The following DCP2 variants were observed in gnomAD, a reference collection of about 807,000 sequenced individuals.
DCP2 encodes decapping mRNA 2.
A neutral mutation model predicts 56.1 loss-of-function variants in DCP2; 30 were observed. The observed-to-expected ratio is 0.53, with a 90% CI of 0.40 to 0.73. DCP2 has a LOEUF of 0.73. Among genes scored for constraint, DCP2 ranks in the 30% least tolerant of loss-of-function variants. The probability of loss-of-function intolerance (pLI) is 0.00; values close to 1 mark genes in which losing one functional copy is unlikely to be tolerated. For missense variants in DCP2, 533 were observed against 502.7 expected, an observed-to-expected ratio of 1.06 and a Z score of -0.58; for synonymous variants, 197 against 163.3, an observed-to-expected ratio of 1.21 and a Z score of -1.57.
chr5:113,003,214 T>A (rs1366015526), intron 7 of DCP2, among the ~76,000 whole-genome samples: 1 of 152,246 alleles, frequency 6.6e-6, no homozygotes, highest in Admixed American at 6.5e-5. Context: ...CCCAAAGTGC[T>A]GGGAGTATAG....
chr5:113,000,591 C>G (rs1004001094), intron 4 of DCP2, among the ~76,000 whole-genome samples: 7 of 152,056 alleles, frequency 4.6e-5, no homozygotes, highest in African/African-American at 7.2e-5. Flanking sequence ...TTATTAAGCT[C>G]TATCTCAAGC....
intron 4 of DCP2, among the ~76,000 whole-genome samples, chr5:112,996,292 CAT>C (rs767067910): frequency 8.5e-5 from 13 of 152,280 alleles, no homozygotes; most frequent in South Asian, 4.1e-4. Context: ...TTCCATTCTT[CAT>C]AGTTTATTAA....
At chr5:113,008,659 A>G (rs886529509) in intron 9 of DCP2, among the ~76,000 whole-genome samples, 33 of 152,270 alleles carry the variant, frequency 2.2e-4, no homozygotes, top group African/African-American at 7.7e-4. Context: ...TTTAGCAAAA[A>G]TATTTTACCT....
intron 9 of DCP2, among the ~76,000 whole-genome samples, chr5:113,010,133 A>G (rs1003075155): frequency 9.2e-5 from 14 of 151,556 alleles, no homozygotes; most frequent in African/African-American, 3.4e-4. Flanking sequence ...CCTTGGTTCA[A>G]GCAGTCCTCC....
At chr5:113,005,499 A>G (rs1749383495) in intron 8 of DCP2, among the ~76,000 whole-genome samples, 1 of 152,218 alleles carries the variant, frequency 6.6e-6, no homozygotes, top group Admixed American at 6.5e-5. Flanking sequence ...ACAAAAAAAC[A>G]GAAAACAAGT....
chr5:113,004,708 C>G (rs1001561509), intron 8 of DCP2, among the ~76,000 whole-genome samples: 9 of 152,034 alleles, frequency 5.9e-5, no homozygotes, highest in Non-Finnish European at 1.2e-4. Context: ...CTAATTTACT[C>G]AAGTTATTTA....
In DCP2 at chr5:113,013,603, G is replaced by A; in HGVS notation, c.*119G>A. The stretch of plus-strand genomic sequence containing the variant: ...AGAAATGCAGGGAGGCAATGTTTCT[G>A]AAGACATTTTCTGTTTATAAGAGAG... On this transcript the variant is annotated 3_prime_UTR_variant, in exon 11 of 11. Coordinates refer to ENST00000389063, the MANE Select transcript of DCP2 (RefSeq NM_152624.6). 8.3e-7 allele frequency: 1 copy of A among 1,205,274 alleles called. No individual in the cohort carries two copies. The highest frequency in any genetic ancestry group is 1.2e-6 in the Non-Finnish European group (1 of 860,376). The allele number at this position is 1,205,274 out of a possible 1,614,324, so 74.7% of individuals were successfully genotyped here.
rs929257631 is a variant in DCP2 at position 113,015,451 on chromosome 5, G to C, written c.*1967G>C. 6.6e-6 allele frequency: 1 copy of C among 152,522 alleles called. No individual in the cohort carries two copies. Among genetic ancestry groups the C allele is most frequent in the South Asian group, 2.1e-4 (1 of 4,828 alleles). The allele number at this position is 152,522 out of a possible 1,614,324, so 9.4% of individuals were successfully genotyped here. ...TTCAGCTCTCAATACTGAAGCAAAA[G>C]AGATTATAGTTACCAGAAGTATGGC... is the stretch of plus-strand genomic sequence containing the variant. On this transcript the variant is annotated 3_prime_UTR_variant, in exon 11 of 11. Transcript: ENST00000389063.
At chr5:112,996,547 GCATTC>G (rs1346418204) in intron 4 of DCP2, among the ~76,000 whole-genome samples, 2 of 152,048 alleles carry the variant, frequency 1.3e-5, no homozygotes, top group Non-Finnish European at 2.9e-5. Context: ...AGTATAATTG[GCATTC>G]CAGAGGTGTT....
In DCP2 at chr5:113,019,926, A is replaced by G. The variant is rs1480312660; in HGVS notation, c.*6442A>G. 6.6e-6 allele frequency: 1 copy of G among 152,376 alleles called. No individual in the cohort carries two copies. The highest frequency in any genetic ancestry group is 1.9e-4 in the East Asian group (1 of 5,192). The allele number at this position is 152,376 out of a possible 1,614,324, so 9.4% of individuals were successfully genotyped here. A position where few individuals can be genotyped will look rare whatever the true frequency, so the allele number is the denominator to read the frequency against. On this transcript the variant is annotated 3_prime_UTR_variant, in exon 11 of 11. Coordinates refer to ENST00000389063, the MANE Select transcript of DCP2 (RefSeq NM_152624.6). ...TAAGATTGCCTTTTGTCTAACCGAA[A>G]TAGGGCATACAGATTAGTTTGGATG... is the stretch of plus-strand genomic sequence containing the variant.
In DCP2 at chr5:112,994,163, C is replaced by CTTT. The variant is rs771514208; in HGVS notation, c.432+1416_432+1418dup. On this transcript the variant is annotated intron_variant, in intron 4 of 10. Transcript: ENST00000389063. ...TTGAAGTTCATTCCTTTTTTTCTTT[C>CTTT]TTTTTTTTTTTTTTTTTTTTTTTTT... Among the ~76,000 whole-genome samples, 453 of 75,142 alleles carry CTTT rather than the reference C, an allele frequency of 6.0e-3. 4 individuals carry two copies. Among genetic ancestry groups the CTTT allele is most frequent in the African/African-American group, 0.018 (337 of 19,222 alleles). The allele number at this position is 75,142 out of a possible 152,430, so 49.3% of individuals were successfully genotyped here. A position where few individuals can be genotyped will look rare whatever the true frequency, so the allele number is the denominator to read the frequency against.
At chr5:112,986,536 C>T (rs1405239483) in intron 2 of DCP2, among the ~76,000 whole-genome samples, 1 of 151,992 alleles carries the variant, frequency 6.6e-6, no homozygotes, top group African/African-American at 2.4e-5. Context: ...GGGGGTCTCT[C>T]TTTGTTGCTG....
rs371349461 is a variant in DCP2, at chr5:112,992,200, G to T, written c.285G>T (p.Met95Ile). 7 of 1,613,820 alleles carry T rather than the reference G, an allele frequency of 4.3e-6. No individual in the cohort carries two copies. The highest frequency in any genetic ancestry group is 5.9e-6 in the Non-Finnish European group (7 of 1,179,976). Residue 95 changes from methionine (M) to isoleucine (I), a missense_variant, in exon 3 of 11, where the codon ATG becomes ATT. This residue lies in a region of DCP2 where 137 missense variants were observed against 138.2 expected (regional missense o/e 0.99). Transcript: ENST00000389063. ...KVLDEWKEYK[M>I]GVPTYGAIIL... ...TGGATGAATGGAAGGAATATAAAAT[G>T]GGAGTACCAACATATGGTGCAATTA...
In DCP2 at chr5:112,985,859, C is replaced by T. The variant is rs368576692; in HGVS notation, c.78C>T (p.Ser26=). The T allele has an allele frequency of 1.7e-5, 27 of 1,604,852 alleles. No homozygotes were observed. In the African/African-American group the frequency reaches 2.0e-4, roughly 12 times the overall value. The part of the protein sequence containing the change: ...LCSRFILHIP[S]EERDNAIRVC... Reference sequence around the variant, plus strand: ...GCCGATTTATTTTGCATATTCCCAGCGAGGAAAGAGACAATGCAATCCGAG... The same window carrying T: ...GCCGATTTATTTTGCATATTCCCAGTGAGGAAAGAGACAATGCAATCCGAG... Residue 26 remains serine (S), a synonymous_variant, in exon 2 of 11, where the codon AGC becomes AGT. Coordinates refer to ENST00000389063, the MANE Select transcript of DCP2 (RefSeq NM_152624.6).
At chr5:112,985,658 C>T (rs1417938532) in intron 1 of DCP2, among the ~76,000 whole-genome samples, 177 bp from the exon 2 acceptor site, 1 of 152,148 alleles carries the variant, frequency 6.6e-6, no homozygotes, top group East Asian at 1.9e-4. Flanking sequence ...GTGGTGTCTC[C>T]TCTCTAAGAC....
chr5:113,001,018 T>C, intron 4 of DCP2, 66 bp from the exon 5 acceptor site: 1 of 1,451,616 alleles, frequency 6.9e-7, no homozygotes, highest in South Asian at 1.4e-5. Context: ...GTCTTGGGAA[T>C]AAATTTTAAT....
intron 1 of DCP2, chr5:112,984,693 A>AT (rs1267092599): frequency 1.3e-5 from 1 of 75,716 alleles, no homozygotes; most frequent in African/African-American, 7.7e-5. Flanking sequence ...AATTAAAAAA[A>AT]AAAAAAAAAA....
Position 113,018,646 on chromosome 5 carries a change from G to C in DCP2, c.*5162G>C, listed in dbSNP as rs917588402. On this transcript the variant is annotated 3_prime_UTR_variant, in exon 11 of 11. Coordinates refer to ENST00000389063, the MANE Select transcript of DCP2 (RefSeq NM_152624.6). The stretch of plus-strand genomic sequence containing the variant: ...TCTGCTTTTTGGTGGAAGGTTTCCT[G>C]CAGGTGGTTGGGTGGTTTTTGGGTT... 1.3e-5 allele frequency: 2 copies of C among 152,228 alleles called. No individual in the cohort carries two copies. Among genetic ancestry groups the C allele is most frequent in the African/African-American group, 4.8e-5 (2 of 41,430 alleles). 9.4% of individuals were successfully genotyped at this position (152,228 alleles called of 1,614,324 possible). A position where few individuals can be genotyped will look rare whatever the true frequency, so the allele number is the denominator to read the frequency against.
At position 113,004,077 on chromosome 5, in the gene DCP2, G is replaced by C. The variant is rs1298606983; in HGVS notation, c.942G>C (p.Lys314Asn). Residue 314 changes from lysine to asparagine, a missense_variant and splice_region_variant, in exon 8 of 11, where the codon AAG (lysine) becomes AAC (asparagine). Transcript: ENST00000389063. ...HSEMSDLLKG[K>N]NQSMRGNGRK... is the part of the protein sequence containing the mutation. ...AAATGTCTGACCTTTTAAAAGGAAA[G>C]GTGAGTGATACACAATTACAGTCTT... 1.2e-6 allele frequency: 2 copies of C among 1,612,578 alleles called. No homozygotes were observed. Among genetic ancestry groups the C allele is most frequent in the Non-Finnish European group, 1.7e-6 (2 of 1,179,650 alleles).
Sources: allele counts gnomAD v4.1 joint callset (sites outside exome capture counted in the v4.1 genomes callset), GRCh38; gene constraint gnomAD v4.1.1; regional missense constraint gnomAD v4.1.1; transcripts MANE v1.5; gene names NCBI Gene and HGNC (gene_info 2026-07-23, HGNC 2026-07-21).